Variants in UGP2 observed in about 807,000 individuals in gnomAD.
UGP2 encodes the protein UDP-glucose pyrophosphorylase 2.
In UGP2, 40 loss-of-function variants were observed where a neutral mutation model predicts 49.0. The ratio of observed to expected loss-of-function variants is 0.82; its 90% CI spans 0.63 to 1.06. The LOEUF (loss-of-function observed/expected upper bound fraction) is 1.06, where lower values mean the gene tolerates loss of function less well. UGP2 is among the 50% of genes least tolerant of loss of function. The pLI is 0.00. For synonymous variants in UGP2, 225 were observed against 213.0 expected (o/e 1.06, Z -0.49); for missense variants, 460 against 603.5 (o/e 0.76, Z 2.49).
At position 63,891,319 on chromosome 2, in the gene UGP2, G is replaced by A; in HGVS notation, c.*92G>A. 3 of 1,055,544 alleles carry A rather than the reference G, an allele frequency of 2.8e-6. No homozygotes were observed. The highest frequency in any genetic ancestry group is 4.2e-6 in the Non-Finnish European group (3 of 710,190). 65.4% of individuals were successfully genotyped at this position (1,055,544 alleles called of 1,614,324 possible). A position where few individuals can be genotyped will look rare whatever the true frequency, so the allele number is the denominator to read the frequency against. On this transcript the variant is annotated 3_prime_UTR_variant, in exon 10 of 10. Transcript: ENST00000337130. ...CTAAAATAGGCAGGTACTTTACTAT[G>A]TTACTGTACCCTGCAGTGTTGATTT...
chr2:63,891,328 C>CAGTAA lies in UGP2; in HGVS notation c.*101_*102insAGTAA. 1 of 909,170 alleles carries CAGTAA rather than the reference C, an allele frequency of 1.1e-6. No individual in the cohort carries two copies. Among genetic ancestry groups the CAGTAA allele is most frequent in the South Asian group, 1.9e-5 (1 of 52,872 alleles). The allele number at this position is 909,170 out of a possible 1,614,324, so 56.3% of individuals were successfully genotyped here. On this transcript the variant is annotated 3_prime_UTR_variant, in exon 10 of 10. Transcript: ENST00000337130. The stretch of plus-strand genomic sequence containing the variant: ...GCAGGTACTTTACTATGTTACTGTA[C>CAGTAA]CCTGCAGTGTTGATTTTTAAAATAG...
chr2:63,854,769 G>C (rs1023790364), intron 1 of UGP2: 7 of 152,196 alleles, frequency 4.6e-5, no homozygotes, highest in African/African-American at 1.7e-4. Flanking sequence ...TTTATAAAGA[G>C]GGTGGAAGAA....
At chr2:63,844,311 A>AT (rs1003774659) in intron 1 of UGP2, among the ~76,000 whole-genome samples, 2 of 152,188 alleles carry the variant, frequency 1.3e-5, no homozygotes, top group African/African-American at 4.8e-5. Flanking sequence ...GGTTTTGATT[A>AT]TTTTTTTAAG....
At chr2:63,854,111 A>G (rs1351853175) in intron 1 of UGP2, among the ~76,000 whole-genome samples, 2 of 152,170 alleles carry the variant, frequency 1.3e-5, no homozygotes, top group East Asian at 1.9e-4. Flanking sequence ...GAATGGGACT[A>G]AAAAAACATG....
At chr2:63,873,571 G>C (rs541777897) in intron 3 of UGP2, among the ~76,000 whole-genome samples, 2 of 151,978 alleles carry the variant, frequency 1.3e-5, no homozygotes, top group Non-Finnish European at 1.5e-5. Flanking sequence ...GTAAATCGCC[G>C]GTCTTAGCTG....
At chr2:63,861,301 G>A (rs1383382688) in intron 3 of UGP2, among the ~76,000 whole-genome samples, 1 of 151,944 alleles carries the variant, frequency 6.6e-6, no homozygotes, top group African/African-American at 2.4e-5. Context: ...TTACACGTTG[G>A]GCATGGACAG....
At chr2:63,840,991 T>G (rs1255643128), upstream of UGP2, 1 of 151,732 alleles carries the variant, frequency 6.6e-6, no homozygotes, top group Non-Finnish European at 1.5e-5. Context: ...CTGCTCCGAA[T>G]GGAGGGGGAG....
chr2:63,861,882 G>T (rs1252505225), intron 3 of UGP2, among the ~76,000 whole-genome samples: 2 of 151,860 alleles, frequency 1.3e-5, no homozygotes, highest in Admixed American at 6.6e-5. Context: ...AAATTGCTGA[G>T]ACTTTTTCTT....
At chr2:63,870,516 A>G (rs749293109) in intron 3 of UGP2, among the ~76,000 whole-genome samples, 7 of 152,216 alleles carry the variant, frequency 4.6e-5, no homozygotes, top group East Asian at 1.9e-4. Flanking sequence ...TATAACGTCT[A>G]TTGATCCAGT....
intron 1 of UGP2, among the ~76,000 whole-genome samples, chr2:63,845,624 G>A (rs894574962): frequency 2.0e-5 from 3 of 151,930 alleles, no homozygotes; most frequent in East Asian, 1.9e-4. Context: ...AGTTGGTGAC[G>A]GTTTTCTTCT....
chr2:63,857,691 A>G, intron 2 of UGP2, 138 bp from the exon 3 acceptor site: 1 of 890,658 alleles, frequency 1.1e-6, no homozygotes, highest in Non-Finnish European at 1.8e-6. Context: ...GATGTGAAAA[A>G]GTCTTGCTCC....
At chr2:63,863,877 A>C (rs1008738452) in intron 3 of UGP2, among the ~76,000 whole-genome samples, 1 of 152,238 alleles carries the variant, frequency 6.6e-6, no homozygotes, top group Non-Finnish European at 1.5e-5. Context: ...ATATGGAAAG[A>C]AGTAGAAGTA....
At chr2:63,849,416 A>G (rs1558932971) in intron 1 of UGP2, among the ~76,000 whole-genome samples, 1 of 152,376 alleles carries the variant, frequency 6.6e-6, no homozygotes, top group Admixed American at 6.5e-5. Flanking sequence ...CAAAGAGCAC[A>G]AGAAAACAGA....
At chr2:63,848,783 G>C (rs1668842254) in intron 1 of UGP2, among the ~76,000 whole-genome samples, 1 of 152,156 alleles carries the variant, frequency 6.6e-6, no homozygotes, top group Admixed American at 6.5e-5. Flanking sequence ...TTTTGATTGG[G>C]TGACTTATGT....
At chr2:63,857,567 A>G (rs1420087366) in intron 2 of UGP2, 2 of 502,640 alleles carry the variant, frequency 4.0e-6, no homozygotes, top group Non-Finnish European at 7.7e-6. Flanking sequence ...GTTTTGCCAT[A>G]TTGCCGAGGC....
At position 63,845,550 on chromosome 2, in the gene UGP2, GCAAGGTAA is replaced by G. The variant is rs1276683838; in HGVS notation, c.19+3348_19+3355del. Among the ~76,000 whole-genome samples, 6 of 151,728 alleles carry G rather than the reference GCAAGGTAA, an allele frequency of 4.0e-5. No homozygotes were observed. The East Asian group carries it at 1.2e-3, about 29-fold the overall frequency. Reference sequence around the variant, plus strand: ...AAAAAAAAAAAAGTGCCGGGGTGGGGCAAGGTAACGTTTGGACAATATGAATTTGGTTG... The same window carrying G: ...AAAAAAAAAAAAGTGCCGGGGTGGGGCGTTTGGACAATATGAATTTGGTTG... On this transcript the variant is annotated intron_variant, in intron 1 of 9. Coordinates refer to ENST00000337130, the MANE Select transcript of UGP2 (RefSeq NM_006759.4).
At chr2:63,859,506 A>AG (rs1411945761) in intron 3 of UGP2, among the ~76,000 whole-genome samples, 1 of 152,124 alleles carries the variant, frequency 6.6e-6, no homozygotes, top group African/African-American at 2.4e-5. Flanking sequence ...GGATTCTTGA[A>AG]GTGGGGGTCA....
In UGP2 at chr2:63,877,861, C is replaced by T. The variant is rs1028558530; in HGVS notation, c.256-4605C>T. Among the ~76,000 whole-genome samples, 5 of 151,080 alleles carry T rather than the reference C, an allele frequency of 3.3e-5. No homozygotes were observed. The East Asian group carries it at 5.8e-4, about 18-fold the overall frequency. ...ACAAAAAATTAGCCGGGCGCGGTGG[C>T]GGGCGCCTGTAGTCCCAGCTACTCG... On this transcript the variant is annotated intron_variant, in intron 3 of 9. Coordinates refer to ENST00000337130, the MANE Select transcript of UGP2 (RefSeq NM_006759.4).
chr2:63,883,285 G>A (rs1671435418), intron 4 of UGP2: 1 of 152,198 alleles, frequency 6.6e-6, no homozygotes, highest in African/African-American at 2.4e-5. Flanking sequence ...GGTAAGTACT[G>A]TTATCCCCAT....
Sources: allele counts gnomAD v4.1 joint callset (sites outside exome capture counted in the v4.1 genomes callset), GRCh38; gene constraint gnomAD v4.1.1; transcripts MANE v1.5; gene names NCBI Gene and HGNC (gene_info 2026-07-23, HGNC 2026-07-21).